SUPT16H: variants seen among roughly 807,000 people sequenced by gnomAD.
The protein encoded by SUPT16H is SPT16 homolog, facilitates chromatin remodeling subunit, also known as FACT complex subunit SPT16.
SUPT16H carries 24 observed loss-of-function variants against 136.2 expected under a neutral mutation model. The ratio of observed to expected loss-of-function variants is 0.18; its 90% CI spans 0.13 to 0.25. The LOEUF is 0.25. SUPT16H is among the 10% of genes least tolerant of loss of function. The pLI, the probability that SUPT16H is intolerant of heterozygous loss-of-function variation, is 1.00. For synonymous variants in SUPT16H, 415 were observed against 428.2 expected (o/e 0.97, Z 0.38); for missense variants, 623 against 1,270.2 (o/e 0.49, Z 7.74).
chr14:21,379,039 G>A (rs1886964020), intron 1 of SUPT16H, among the ~76,000 whole-genome samples: 3 of 152,164 alleles, frequency 2.0e-5, no homozygotes, highest in East Asian at 3.8e-4. Flanking sequence ...TTGCAGTCTG[G>A]TTGTAGCTAA....
At chr14:21,375,256 C>T (rs1431631222) in intron 1 of SUPT16H, among the ~76,000 whole-genome samples, 3 of 48,732 alleles carry the variant, frequency 6.2e-5, no homozygotes, top group South Asian at 1.3e-3. Context: ...TCAAGTGATC[C>T]GCCCCCACTT....
intron 1 of SUPT16H, among the ~76,000 whole-genome samples, chr14:21,381,608 A>AT (rs10607680): frequency 5.4e-5 from 8 of 148,530 alleles, no homozygotes; most frequent in African/African-American, 1.5e-4. Flanking sequence ...CTTGGGATTT[A>AT]TTTTTTTTTT....
At chr14:21,356,612 T>C (rs528689064) in intron 22 of SUPT16H, among the ~76,000 whole-genome samples, 50 of 152,156 alleles carry the variant, frequency 3.3e-4, no homozygotes, top group African/African-American at 1.1e-3. Context: ...TGGTAGCACA[T>C]GCCTGTAGTC....
At chr14:21,383,488 T>C (rs148718960) in intron 1 of SUPT16H, 13 of 586,384 alleles carry the variant, frequency 2.2e-5, no homozygotes, top group African/African-American at 1.1e-4. Flanking sequence ...GGGTGGAATA[T>C]TGTGGTTCTG....
chr14:21,369,078 G>T, intron 6 of SUPT16H, 126 bp downstream of exon 6: 5 of 1,036,594 alleles, frequency 4.8e-6, no homozygotes, highest in Non-Finnish European at 6.8e-6. Context: ...ATAATGACTT[G>T]GTAACACTAT....
At position 21,352,732 on chromosome 14, in the gene SUPT16H, G is replaced by A. The variant is rs756636080; in HGVS notation, c.3085C>T (p.Arg1029Cys). 14 of 1,613,948 alleles carry A rather than the reference G, an allele frequency of 8.7e-6. No homozygotes were observed. Among genetic ancestry groups the A allele is most frequent in the African/African-American group, 2.7e-5 (2 of 74,900 alleles). The change falls in exon 26 of 26, where the codon CGT becomes TGT. Residue 1029 changes from arginine to cysteine, a missense_variant. Around this residue, in one of 7 missense-constraint regions of SUPT16H, gnomAD observed 88 missense variants for 135.5 expected, o/e 0.65. Coordinates refer to ENST00000216297, the MANE Select transcript of SUPT16H (RefSeq NM_007192.4). ...TGTCTGGAACCACGGTTAGAGCCAC[G>A]GCCCGAACTGTGCACAGATGCCTTC... Reference protein sequence around the residue: ...KRKASVHSSGRGSNRGSRHSS... With the variant: ...KRKASVHSSGCGSNRGSRHSS...
At chr14:21,362,118 T>C (rs769787313) in intron 15 of SUPT16H, 79 bp downstream of exon 15, 47 of 1,510,060 alleles carry the variant, frequency 3.1e-5, no homozygotes, top group Middle Eastern at 2.5e-4. Flanking sequence ...AGGGAAAATG[T>C]AGCACAGACA....
intron 1 of SUPT16H, among the ~76,000 whole-genome samples, chr14:21,375,489 G>GTCCCTTATCAC (rs1324943677): frequency 4.5e-5 from 1 of 22,046 alleles, no homozygotes; most frequent in African/African-American, 1.9e-4. Flanking sequence ...TCTAGACACA[G>GTCCCTTATCAC]GATCTGCAGA....
chr14:21,358,066 C>A (rs1886473159), intron 20 of SUPT16H, 64 bp from the exon 21 acceptor site: 1 of 1,437,988 alleles, frequency 7.0e-7, no homozygotes, highest in African/African-American at 1.4e-5. Context: ...CCACAACAGA[C>A]AAACTTCTTC....
chr14:21,352,817 C>T lies in SUPT16H; in HGVS notation c.3000G>A (p.Ala1000=), dbSNP rs201362930. ...WDELEEEARK[A]DRESRYEEEE... is the part of the protein sequence containing the mutation. ...CTTCCTCGTAACGACTTTCTCGGTC[C>T]GCTAAATAGAAGAGGCATTATTAGT... The change falls in exon 26 of 26, where the codon GCG becomes GCA. Residue 1000 remains alanine (A), a splice_region_variant and synonymous_variant. Coordinates refer to ENST00000216297, the MANE Select transcript of SUPT16H (RefSeq NM_007192.4). 4.1e-5 allele frequency: 66 copies of T among 1,613,758 alleles called. No homozygotes were observed. The highest frequency in any genetic ancestry group is 5.4e-5 in the Non-Finnish European group (64 of 1,179,990).
At chr14:21,353,894 T>G in intron 23 of SUPT16H, 62 bp from the exon 24 acceptor site, 2 of 1,516,250 alleles carry the variant, frequency 1.3e-6, no homozygotes, top group Non-Finnish European at 1.8e-6. Flanking sequence ...CTTAATGAAT[T>G]AATTCAGCCC....
At chr14:21,371,736 C>A (rs1037259418) in intron 3 of SUPT16H, 138 bp downstream of exon 3, 2 of 943,854 alleles carry the variant, frequency 2.1e-6, no homozygotes, top group Non-Finnish European at 3.1e-6. Context: ...ACAATGAAGA[C>A]GTGACAGAAC....
chr14:21,370,174 A>AG (rs1243314469), intron 4 of SUPT16H, among the ~76,000 whole-genome samples, 162 bp downstream of exon 4: 1 of 152,234 alleles, frequency 6.6e-6, no homozygotes, highest in Non-Finnish European at 1.5e-5. Context: ...GAAGAAAGGC[A>AG]GGGAAAAAAA....
chr14:21,364,337 T>C (rs1483505441), intron 10 of SUPT16H, among the ~76,000 whole-genome samples: 1 of 151,756 alleles, frequency 6.6e-6, no homozygotes, highest in Non-Finnish European at 1.5e-5. Flanking sequence ...AGTTTAGTCA[T>C]TGCCTAGGCC....
chr14:21,357,934 G>A lies in SUPT16H; in HGVS notation c.2483C>T (p.Thr828Met). Residue 828 changes from threonine (T) to methionine (M), a missense_variant, in exon 21 of 26, where the codon ACG (threonine) becomes ATG (methionine). Physicochemically the swap from Thr to Met is moderately conservative, Grantham distance 81. Around this residue, in one of 7 missense-constraint regions of SUPT16H, gnomAD observed 74 missense variants for 193.8 expected, o/e 0.38. Transcript: ENST00000216297. ...QPTSSALVNA[T>M]EWPPFVVTLD... is the part of the protein sequence containing the mutation. ...AAAGTAAGAAACACTCACCCATTCC[G>A]TAGCATTTACCAGCGCACTACTAGT... The A allele has an allele frequency of 6.2e-7, 1 of 1,612,884 alleles. No homozygotes were observed. The highest frequency in any genetic ancestry group is 8.5e-7 in the Non-Finnish European group (1 of 1,179,184).
chr14:21,369,767 T>C lies in SUPT16H; in HGVS notation c.613A>G (p.Ile205Val). The change falls in exon 5 of 26, where the codon ATA (isoleucine) becomes GTA (valine). Residue 205 changes from isoleucine to valine, a missense_variant. By Grantham distance (29) the Ile-to-Val change is conservative. Transcript: ENST00000216297. ...NKFFKERVME[I>V]VDADEKVRHS... is the part of the protein sequence containing the mutation. ...CCATTTACCTCATCTGCATCAACTA[T>C]TTCCATGACTCTTTCCTTGAAGAAT... 1 of 1,614,054 alleles carries C rather than the reference T, an allele frequency of 6.2e-7. No individual in the cohort carries two copies. Among genetic ancestry groups the C allele is most frequent in the Admixed American group, 1.7e-5 (1 of 60,030 alleles).
chr14:21,383,780 G>A (rs546514186), intron 1 of SUPT16H, 82 bp downstream of exon 1: 36 of 1,523,352 alleles, frequency 2.4e-5, no homozygotes, highest in Non-Finnish European at 3.1e-5. Flanking sequence ...CTGACCGAAA[G>A]AGAAAAAAGG....
Position 21,354,530 on chromosome 14 carries a change from G to C in SUPT16H, c.2671C>G (p.Leu891Val). 6.2e-7 allele frequency: 1 copy of C among 1,613,550 alleles called. No individual in the cohort carries two copies. ...PIKEWLNSCDLKYTEGVQSLN... is the reference protein window; with the variant it reads ...PIKEWLNSCDVKYTEGVQSLN... Reference sequence around the variant, plus strand: ...GACTGTACTCCTTCTGTGTATTTCAGGTCGCAGGAACTAAGAGAAATGACA... The same window carrying C: ...GACTGTACTCCTTCTGTGTATTTCACGTCGCAGGAACTAAGAGAAATGACA... The change falls in exon 23 of 26, where the codon CTG (leucine) becomes GTG (valine). Residue 891 changes from leucine to valine, a missense_variant. By Grantham distance (32) the Leu-to-Val change is conservative. Transcript: ENST00000216297.
chr14:21,364,571 G>T (rs528838675), intron 10 of SUPT16H, among the ~76,000 whole-genome samples: 2 of 152,040 alleles, frequency 1.3e-5, no homozygotes, highest in African/African-American at 2.4e-5. Context: ...AAGAATAACC[G>T]GTTTCATTAT....
Sources: gnomAD v4.1 joint callset for allele counts (sites outside exome capture counted in the v4.1 genomes callset) on GRCh38, gnomAD v4.1.1 for gene constraint, gnomAD v4.1.1 regional missense constraint, MANE v1.5 for transcripts, NCBI Gene and HGNC (gene_info 2026-07-23, HGNC 2026-07-21) for gene names.